LRRC1: variants seen among roughly 807,000 people sequenced by gnomAD.
LRRC1 encodes the protein leucine-rich repeat-containing protein 1.
LRRC1 carries 28 observed loss-of-function variants against 69.9 expected under a neutral mutation model. The ratio of observed to expected loss-of-function variants is 0.40; its 90% CI spans 0.30 to 0.55. LRRC1 has a LOEUF of 0.55. Among genes scored for constraint, LRRC1 ranks in the 20% least tolerant of loss-of-function variants. The probability of loss-of-function intolerance (pLI) is 0.47; values close to 1 mark genes in which losing one functional copy is unlikely to be tolerated. For synonymous variants in LRRC1, 236 were observed against 240.2 expected (o/e 0.98, Z 0.16); for missense variants, 498 against 609.0 (o/e 0.82, Z 1.92).
chr6:53,874,768 C>T (rs1387502675), intron 2 of LRRC1, among the ~76,000 whole-genome samples: 6 of 152,108 alleles, frequency 3.9e-5, no homozygotes, highest in African/African-American at 1.2e-4. Flanking sequence ...TTTAGCCATT[C>T]TCAATGTTAA....
At position 53,902,648 on chromosome 6, in the gene LRRC1, A is replaced by T. The variant is rs779515412; in HGVS notation, c.807A>T (p.Ser269=). 9 of 1,595,926 alleles carry T rather than the reference A, an allele frequency of 5.6e-6. No individual in the cohort carries two copies. The highest frequency in any genetic ancestry group is 7.7e-6 in the Non-Finnish European group (9 of 1,172,850). The change falls in exon 9 of 14, where the codon TCA becomes TCT. Residue 269 remains serine, a synonymous_variant. Coordinates refer to ENST00000370888, the MANE Select transcript of LRRC1 (RefSeq NM_018214.5). ...PDGIGKLKKL[S]ILKVDQNRLT... is the part of the protein sequence containing the mutation. ...TTACAGGAAAACTAAAGAAACTGTC[A>T]ATCTTGAAGGTGGATCAGAATAGAC...
intron 12 of LRRC1, 102 bp from the exon 13 acceptor site, chr6:53,920,523 C>T: frequency 7.6e-7 from 1 of 1,319,104 alleles, no homozygotes; most frequent in Non-Finnish European, 1.1e-6. Flanking sequence ...TGTTCTACCC[C>T]TGGTCCTCCG....
intron 1 of LRRC1, among the ~76,000 whole-genome samples, chr6:53,827,074 C>T (rs1449914639): frequency 6.6e-6 from 1 of 152,138 alleles, no homozygotes; most frequent in East Asian, 1.9e-4. Context: ...CAATCATATT[C>T]CCAAACCCTT....
chr6:53,805,847 G>A (rs3000999), intron 1 of LRRC1, among the ~76,000 whole-genome samples: 129,097 of 152,154 alleles, frequency 0.85, 54,855 homozygotes, highest in East Asian at 0.96. Context: ...CTAAGACACA[G>A]ATGTGACAGT....
chr6:53,922,871 G>A lies in LRRC1; in HGVS notation c.*78G>A. The A allele has an allele frequency of 2.1e-6, 3 of 1,438,456 alleles. No homozygotes were observed. Among genetic ancestry groups the A allele is most frequent in the Non-Finnish European group, 1.9e-6 (2 of 1,045,242 alleles). The allele number at this position is 1,438,456 out of a possible 1,614,324, so 89.1% of individuals were successfully genotyped here. On this transcript the variant is annotated 3_prime_UTR_variant, in exon 14 of 14. Coordinates refer to ENST00000370888, the MANE Select transcript of LRRC1 (RefSeq NM_018214.5). ...CCTGTCTGCTTCCCGGGAGCCTCACGTGCTCCTTGTCCTAACCAGCCCCCG... is the reference window on the plus strand; with the variant it reads ...CCTGTCTGCTTCCCGGGAGCCTCACATGCTCCTTGTCCTAACCAGCCCCCG...
At chr6:53,827,958 A>G (rs530769122) in intron 1 of LRRC1, among the ~76,000 whole-genome samples, 1 of 152,144 alleles carries the variant, frequency 6.6e-6, no homozygotes, top group South Asian at 2.1e-4. Context: ...TTTGTTCTAT[A>G]ACTAGTGGAT....
At chr6:53,846,650 C>T (rs556107868) in intron 2 of LRRC1, among the ~76,000 whole-genome samples, 1 of 152,272 alleles carries the variant, frequency 6.6e-6, no homozygotes, top group South Asian at 2.1e-4. Flanking sequence ...GGTGTTTCCC[C>T]TGAACATAGA....
intron 13 of LRRC1, among the ~76,000 whole-genome samples, chr6:53,921,830 T>A (rs1031973694): frequency 6.6e-5 from 10 of 151,982 alleles, no homozygotes; most frequent in Non-Finnish European, 1.3e-4. Flanking sequence ...AAAACGCAAA[T>A]TAGGGATGAC....
chr6:53,843,697 A>G (rs1227532366), intron 2 of LRRC1, among the ~76,000 whole-genome samples: 1 of 152,164 alleles, frequency 6.6e-6, no homozygotes, highest in Non-Finnish European at 1.5e-5. Context: ...CACCAAAAGC[A>G]GTGGCACCAA....
At chr6:53,865,823 G>C (rs759856677) in intron 2 of LRRC1, among the ~76,000 whole-genome samples, 3 of 151,502 alleles carry the variant, frequency 2.0e-5, no homozygotes, top group African/African-American at 7.3e-5. Context: ...CCAGGATCAC[G>C]TGATTCTTTT....
At chr6:53,879,165 T>C in intron 3 of LRRC1, 94 bp downstream of exon 3, 1 of 747,986 alleles carries the variant, frequency 1.3e-6, no homozygotes. Context: ...ATCTTGGAGG[T>C]ACCTAGATGG....
chr6:53,866,011 C>T (rs1019980296), intron 2 of LRRC1, among the ~76,000 whole-genome samples: 4 of 152,018 alleles, frequency 2.6e-5, no homozygotes, highest in South Asian at 2.1e-4. Flanking sequence ...TGAACCACTG[C>T]GCCTGGCTAA....
chr6:53,847,981 A>G (rs1054962707), intron 2 of LRRC1, among the ~76,000 whole-genome samples: 1 of 152,182 alleles, frequency 6.6e-6, no homozygotes, highest in Non-Finnish European at 1.5e-5. Context: ...ACTTGCCACA[A>G]TTAAGCCATT....
chr6:53,814,355 T>A (rs944055614), intron 1 of LRRC1, among the ~76,000 whole-genome samples: 2 of 152,214 alleles, frequency 1.3e-5, no homozygotes, highest in African/African-American at 4.8e-5. Context: ...ACTCTGTGGG[T>A]TTTACTCAAA....
intron 2 of LRRC1, among the ~76,000 whole-genome samples, chr6:53,872,136 A>G (rs1414851681): frequency 6.6e-6 from 1 of 152,130 alleles, no homozygotes. Context: ...ATGGTGAGAG[A>G]TAGGGATCTC....
chr6:53,830,779 G>A (rs923574116), intron 1 of LRRC1, among the ~76,000 whole-genome samples: 26 of 151,606 alleles, frequency 1.7e-4, no homozygotes, highest in Middle Eastern at 3.2e-3. Flanking sequence ...AGGTTGGTTA[G>A]GTTGGTGCAA....
At position 53,795,290 on chromosome 6, in the gene LRRC1, C is replaced by G; in HGVS notation, c.34C>G (p.Arg12Gly). ...CTGCATCCCCCTGTGGCGGTGCAAC[C>G]GTCATGTGGAGAGCATCGACAAGCG... ...FHCIPLWRCN[R>G]HVESIDKRHC... The change falls in exon 1 of 14, where the codon CGT becomes GGT. Residue 12 changes from arginine to glycine, a missense_variant. Arg to Gly is a moderately radical substitution (Grantham distance 125, BLOSUM62 -2). Transcript: ENST00000370888. 6.2e-7 allele frequency: 1 copy of G among 1,612,604 alleles called. No homozygotes were observed. The highest frequency in any genetic ancestry group is 8.5e-7 in the Non-Finnish European group (1 of 1,179,806).
At chr6:53,857,278 A>C (rs1254701464) in intron 2 of LRRC1, among the ~76,000 whole-genome samples, 1 of 152,182 alleles carries the variant, frequency 6.6e-6, no homozygotes, top group Non-Finnish European at 1.5e-5. Context: ...AAAGCAGAGA[A>C]AGAGGGGCCC....
chr6:53,864,297 C>T (rs1766624628), intron 2 of LRRC1, among the ~76,000 whole-genome samples: 1 of 152,146 alleles, frequency 6.6e-6, no homozygotes, highest in South Asian at 2.1e-4. Flanking sequence ...AAACTTGCTT[C>T]CTCTCTCCCC....
Sources: allele counts gnomAD v4.1 joint callset (sites outside exome capture counted in the v4.1 genomes callset), GRCh38; gene constraint gnomAD v4.1.1; transcripts MANE v1.5; gene names NCBI Gene and HGNC (gene_info 2026-07-23, HGNC 2026-07-21).